The following OTUD7A variants were observed in gnomAD, a reference collection of about 807,000 sequenced individuals.
OTUD7A encodes the protein OTU deubiquitinase 7A, also known as OTU domain-containing protein 7A.
In OTUD7A, 12 loss-of-function variants were observed where a neutral mutation model predicts 65.7. The observed-to-expected ratio is 0.18, with a 90% confidence interval of 0.12 to 0.30. The LOEUF is 0.30. Ranked by LOEUF, OTUD7A falls within the 10% of genes least tolerant of loss-of-function variation. The pLI, the probability that OTUD7A is intolerant of heterozygous loss-of-function variation, is 1.00. For missense variants in OTUD7A, 1,148 were observed against 1,304.8 expected, an observed-to-expected ratio of 0.88 and a Z score of 1.85; for synonymous variants, 641 against 586.3, an observed-to-expected ratio of 1.09 and a Z score of -1.35.
rs1381382157 is a variant in OTUD7A at position 31,514,635 on chromosome 15, G to C, written c.894-10817C>G. 2.6e-5 allele frequency among the ~76,000 whole-genome samples: 4 copies of C among 152,220 alleles called. No homozygotes were observed. The East Asian group carries it at 5.8e-4, about 22-fold the overall frequency. On this transcript the variant is annotated intron_variant, in intron 8 of 12. Transcript: ENST00000307050. The stretch of plus-strand genomic sequence containing the variant: ...TCTAAAGCATTTCCTTATTTGATCA[G>C]TCTTCCCATATGTCAGCCATCTCCC...
rs544588197 is a variant in OTUD7A at position 31,820,614 on chromosome 15, A to G, written c.-100+49893T>C. ...ATTGCTCTCTCTGCCTGCCTGCTTCATAGAAAACTGGCCCCACCATTTTCT... is the reference window on the plus strand; with the variant it reads ...ATTGCTCTCTCTGCCTGCCTGCTTCGTAGAAAACTGGCCCCACCATTTTCT... On this transcript the variant is annotated intron_variant, in intron 1 of 12. Coordinates refer to ENST00000307050, the MANE Select transcript of OTUD7A (RefSeq NM_001382637.1). Among the ~76,000 whole-genome samples the G allele has an allele frequency of 2.6e-5, 4 of 152,318 alleles. No homozygotes were observed. The East Asian group carries it at 7.7e-4, about 29-fold the overall frequency.
intron 4 of OTUD7A, among the ~76,000 whole-genome samples, chr15:31,566,571 A>G (rs577875165): frequency 2.5e-4 from 38 of 152,274 alleles, no homozygotes; most frequent in Non-Finnish European, 5.1e-4. Flanking sequence ...ACATAAACAC[A>G]TTTGATGTAG....
chr15:31,570,442 T>TACACACACACACACACAC (rs57517466), intron 3 of OTUD7A, among the ~76,000 whole-genome samples: 1 of 143,218 alleles, frequency 7.0e-6, no homozygotes, highest in Non-Finnish European at 1.5e-5. Context: ...TTTAGGTTCA[T>TACACACACACACACACAC]ACACACACAC....
chr15:31,566,891 A>G (rs983812023), intron 4 of OTUD7A, among the ~76,000 whole-genome samples: 5 of 152,212 alleles, frequency 3.3e-5, no homozygotes, highest in African/African-American at 1.2e-4. Context: ...CCAGAAGCTG[A>G]GCAGATGCCG....
chr15:31,852,043 G>C (rs542010443), intron 1 of OTUD7A, among the ~76,000 whole-genome samples: 1 of 152,176 alleles, frequency 6.6e-6, no homozygotes, highest in Non-Finnish European at 1.5e-5. Flanking sequence ...AATTTTAGTA[G>C]AGACGGGGTT....
chr15:31,823,019 CA>C (rs1464868342), intron 1 of OTUD7A, among the ~76,000 whole-genome samples: 1 of 152,212 alleles, frequency 6.6e-6, no homozygotes, highest in Non-Finnish European at 1.5e-5. Context: ...GCATGCATTT[CA>C]AGGGGTTGGA....
chr15:31,564,780 G>A (rs562243825), intron 4 of OTUD7A, among the ~76,000 whole-genome samples: 2 of 152,000 alleles, frequency 1.3e-5, no homozygotes. Flanking sequence ...ATAATAAATT[G>A]TCTACAAGAA....
Position 31,478,783 on chromosome 15 carries a change from G to A in OTUD7A, c.*4511C>T, listed in dbSNP as rs1219175557. On this transcript the variant is annotated 3_prime_UTR_variant, in exon 13 of 13. Transcript: ENST00000307050. ...GTGCCCGGAGCTGTCTTTTGTGACA[G>A]AAGCTTGCAGAGTGGTCCAGCCTGG... 2.0e-5 allele frequency: 3 copies of A among 152,286 alleles called. No individual in the cohort carries two copies. The allele number at this position is 152,286 out of a possible 1,614,324, so 9.4% of individuals were successfully genotyped here.
chr15:31,727,917 C>G (rs1408067546), intron 1 of OTUD7A, among the ~76,000 whole-genome samples: 2 of 152,158 alleles, frequency 1.3e-5, no homozygotes, highest in African/African-American at 2.4e-5. Context: ...ACTCTGAGCT[C>G]CTTTATGCTC....
intron 1 of OTUD7A, among the ~76,000 whole-genome samples, chr15:31,669,284 G>T (rs1892415047): frequency 6.6e-6 from 1 of 152,160 alleles, no homozygotes; most frequent in Non-Finnish European, 1.5e-5. Context: ...GGGCAGGGTT[G>T]GGTGTCGTAG....
At chr15:31,840,410 C>A (rs879808998) in intron 1 of OTUD7A, among the ~76,000 whole-genome samples, 3 of 151,862 alleles carry the variant, frequency 2.0e-5, no homozygotes, top group Admixed American at 6.6e-5. Flanking sequence ...TGCACTCCAG[C>A]CTGGGCAATA....
chr15:31,504,703 G>A (rs2041532731), intron 8 of OTUD7A, among the ~76,000 whole-genome samples: 2 of 44,016 alleles, frequency 4.5e-5, no homozygotes, highest in Non-Finnish European at 8.4e-5. Flanking sequence ...ACGGCAGCAG[G>A]TGGGGCCAGG....
intron 3 of OTUD7A, among the ~76,000 whole-genome samples, chr15:31,609,898 T>G (rs1459719568): frequency 2.6e-5 from 4 of 151,486 alleles, no homozygotes; most frequent in Admixed American, 6.6e-5. Flanking sequence ...ATCACAGGAC[T>G]TTGTGCAGAC....
intron 5 of OTUD7A, among the ~76,000 whole-genome samples, chr15:31,537,392 C>CATCT (rs1399082586): frequency 1.3e-5 from 2 of 152,148 alleles, no homozygotes; most frequent in Non-Finnish European, 2.9e-5. Context: ...AGTAGACGAA[C>CATCT]ATCTATTTAT....
intron 1 of OTUD7A, among the ~76,000 whole-genome samples, chr15:31,691,421 CA>C (rs1566976531): frequency 1.3e-5 from 2 of 152,168 alleles, no homozygotes; most frequent in Admixed American, 6.5e-5. Context: ...AGAGAACCCA[CA>C]AATAAATCCA....
intron 4 of OTUD7A, among the ~76,000 whole-genome samples, chr15:31,565,364 T>C (rs74012529): frequency 0.027 from 4,079 of 152,276 alleles, 186 homozygotes; most frequent in African/African-American, 0.092. Context: ...AGCAAATGAC[T>C]AATAAGAGAA....
intron 1 of OTUD7A, among the ~76,000 whole-genome samples, chr15:31,733,890 A>G (rs1199039980): frequency 6.6e-6 from 1 of 152,206 alleles, no homozygotes; most frequent in East Asian, 1.9e-4. Context: ...GATGCCTGAA[A>G]GCTACAGGTA....
At chr15:31,633,592 C>A (rs1056802343) in intron 3 of OTUD7A, among the ~76,000 whole-genome samples, 6 of 152,164 alleles carry the variant, frequency 3.9e-5, no homozygotes, top group African/African-American at 1.4e-4. Context: ...GACCAAGTCC[C>A]TAAGGGACAG....
Position 31,484,361 on chromosome 15 carries a change from T to C in OTUD7A, c.1735A>G (p.Lys579Glu), listed in dbSNP as rs746533038. The C allele has an allele frequency of 1.9e-6, 3 of 1,601,176 alleles. No individual in the cohort carries two copies. The highest frequency in any genetic ancestry group is 2.2e-5 in the South Asian group (2 of 91,044). The change falls in exon 13 of 13, where the codon AAG (lysine) becomes GAG (glutamate). Residue 579 changes from lysine to glutamate, a missense_variant. Coordinates refer to ENST00000307050, the MANE Select transcript of OTUD7A (RefSeq NM_001382637.1). The surrounding 1 kb of genome is among the most constrained non-coding windows in gnomAD (Gnocchi z 4.5). ...CTGGCCGACGCACCAGACTCCTCCT[T>C]GCTGCCCTTGCGCGACTTGGCCTTC... ...EKKAKSRKGS[K>E]EESGASASTS...
Sources: allele counts gnomAD v4.1 joint callset (sites outside exome capture counted in the v4.1 genomes callset), GRCh38; gene constraint gnomAD v4.1.1; non-coding constraint Gnocchi (gnomAD v3.1); transcripts MANE v1.5; gene names NCBI Gene and HGNC (gene_info 2026-07-23, HGNC 2026-07-21).